Variants in PTPRG observed in about 807,000 individuals in gnomAD.
The protein encoded by PTPRG is protein tyrosine phosphatase receptor type G.
PTPRG carries 102 observed loss-of-function variants against 165.3 expected under a neutral mutation model. That is an observed-to-expected ratio of 0.62 (90% confidence interval 0.53 to 0.73). PTPRG has a LOEUF of 0.73. PTPRG is among the 30% of genes least tolerant of loss of function. PTPRG has a pLI of 0.00. For synonymous variants in PTPRG, 675 were observed against 669.5 expected (o/e 1.01, Z -0.13); for missense variants, 1,866 against 1,861.4 (o/e 1.00, Z -0.05).
chr3:61,885,336 A>T (rs879940392), intron 2 of PTPRG, among the ~76,000 whole-genome samples: 1 of 152,094 alleles, frequency 6.6e-6, no homozygotes, highest in Non-Finnish European at 1.5e-5. Context: ...TTTGGAAAAT[A>T]TGCTGAAGAT....
At chr3:62,068,441 A>C (rs1373740155) in intron 4 of PTPRG, among the ~76,000 whole-genome samples, 17 of 152,100 alleles carry the variant, frequency 1.1e-4, no homozygotes. Flanking sequence ...AATGCAAAAC[A>C]GGGCAGTAAA....
chr3:61,716,217 A>G (rs2031801193), intron 1 of PTPRG, among the ~76,000 whole-genome samples: 2 of 151,666 alleles, frequency 1.3e-5, no homozygotes, highest in Non-Finnish European at 1.5e-5. Flanking sequence ...GTCATCTTGA[A>G]CTCTGCAGAA....
At chr3:61,860,691 G>A (rs964415458) in intron 2 of PTPRG, among the ~76,000 whole-genome samples, 1 of 151,944 alleles carries the variant, frequency 6.6e-6, no homozygotes, top group African/African-American at 2.4e-5. Flanking sequence ...TGATCCACCC[G>A]CCTCAGCCTC....
At chr3:62,164,349 C>G (rs1482449971) in intron 7 of PTPRG, among the ~76,000 whole-genome samples, 1 of 152,146 alleles carries the variant, frequency 6.6e-6, no homozygotes, top group Admixed American at 6.5e-5. Flanking sequence ...ATGTAGACTC[C>G]TCTCACCAAT....
At chr3:62,102,471 C>T (rs960653026) in intron 5 of PTPRG, among the ~76,000 whole-genome samples, 1 of 152,126 alleles carries the variant, frequency 6.6e-6, no homozygotes, top group African/African-American at 2.4e-5. Flanking sequence ...TGGGGTTTCA[C>T]CATATTGGCC....
intron 1 of PTPRG, among the ~76,000 whole-genome samples, chr3:61,699,258 A>C (rs180768057): frequency 1.3e-5 from 2 of 152,324 alleles, no homozygotes; most frequent in African/African-American, 4.8e-5. Flanking sequence ...ATTATTTTTC[A>C]AAACAAATTT....
chr3:61,831,865 T>C (rs918989727), intron 2 of PTPRG, among the ~76,000 whole-genome samples: 12 of 152,158 alleles, frequency 7.9e-5, no homozygotes, highest in African/African-American at 1.4e-4. Context: ...AGGATAGATA[T>C]TGATGGGTGG....
chr3:61,666,847 C>T (rs2365938), intron 1 of PTPRG, among the ~76,000 whole-genome samples: 28,318 of 152,072 alleles, frequency 0.19, 2,855 homozygotes, highest in African/African-American at 0.25. Flanking sequence ...CTGACAGAAG[C>T]CTACTTAAGA....
chr3:62,166,014 A>G (rs1038036869), intron 7 of PTPRG, among the ~76,000 whole-genome samples: 2 of 151,868 alleles, frequency 1.3e-5, no homozygotes, highest in East Asian at 1.9e-4. Flanking sequence ...CGAAGCCTTG[A>G]CAGTCACTCA....
At chr3:61,928,847 A>G (rs1340106959) in intron 2 of PTPRG, among the ~76,000 whole-genome samples, 1 of 152,208 alleles carries the variant, frequency 6.6e-6, no homozygotes, top group Non-Finnish European at 1.5e-5. Context: ...ATTTCACTAT[A>G]AAACAGTTGA....
At chr3:61,578,158 G>A (rs1165037366) in intron 1 of PTPRG, among the ~76,000 whole-genome samples, 1 of 152,166 alleles carries the variant, frequency 6.6e-6, no homozygotes. Flanking sequence ...CTACATCGTG[G>A]GACCTGTGTG....
chr3:62,155,831 G>T (rs1704516370), intron 6 of PTPRG, among the ~76,000 whole-genome samples: 1 of 152,134 alleles, frequency 6.6e-6, no homozygotes, highest in Non-Finnish European at 1.5e-5. Context: ...GAGGTATGAG[G>T]CTTGGGAATG....
chr3:62,045,404 G>T (rs558664172), intron 4 of PTPRG, among the ~76,000 whole-genome samples: 1 of 152,152 alleles, frequency 6.6e-6, no homozygotes, highest in African/African-American at 2.4e-5. Context: ...TAGCTGTACC[G>T]CCCTTAGCCA....
Position 61,570,609 on chromosome 3 carries a change from A to G in PTPRG, c.85+8237A>G, listed in dbSNP as rs116088050. 6.2e-3 allele frequency among the ~76,000 whole-genome samples: 943 copies of G among 152,306 alleles called. 7 individuals carry two copies. The highest frequency in any genetic ancestry group is 0.021 in the African/African-American group (893 of 41,572). ...TGAGTTTTCATAGCATTGCTGCCTC[A>G]TGAATCCTGCAGTGCACTTAAATCA... On this transcript the variant is annotated intron_variant, in intron 1 of 29. Coordinates refer to ENST00000474889, the MANE Select transcript of PTPRG (RefSeq NM_002841.4).
chr3:61,778,350 A>G (rs1200109687), intron 2 of PTPRG, among the ~76,000 whole-genome samples: 1 of 152,240 alleles, frequency 6.6e-6, no homozygotes, highest in African/African-American at 2.4e-5. Flanking sequence ...GTGGCCCACA[A>G]TCAGAGGCTG....
At chr3:61,772,106 T>C (rs1477779999) in intron 2 of PTPRG, among the ~76,000 whole-genome samples, 1 of 148,238 alleles carries the variant, frequency 6.7e-6, no homozygotes, top group Non-Finnish European at 1.5e-5. Flanking sequence ...ATTGTGATGA[T>C]CTCTGAATCA....
chr3:62,228,917 G>A lies in PTPRG; in HGVS notation c.2289-2308G>A, dbSNP rs996425434. Among the ~76,000 whole-genome samples the A allele has an allele frequency of 6.6e-6, 1 of 152,126 alleles. No individual in the cohort carries two copies. Among genetic ancestry groups the A allele is most frequent in the Non-Finnish European group, 1.5e-5 (1 of 68,018 alleles). On this transcript the variant is annotated intron_variant, in intron 13 of 29. Coordinates refer to ENST00000474889, the MANE Select transcript of PTPRG (RefSeq NM_002841.4). The surrounding 1 kb of genome is among the most constrained non-coding windows in gnomAD (Gnocchi z 4.1). ...CAACAGACCATTTACTGGACCACAG[G>A]TATTCTGGCATCATTTTTTTCTTTT...
intron 2 of PTPRG, 200 bp downstream of exon 2, chr3:61,749,182 C>T: frequency 1.5e-6 from 1 of 678,308 alleles, no homozygotes; most frequent in Non-Finnish European, 2.7e-6. Context: ...CCTGTTTCCT[C>T]AACCTGTTTT....
At position 61,767,239 on chromosome 3, in the gene PTPRG, TC is replaced by T. The variant is rs1471615296; in HGVS notation, c.190+18258del. On this transcript the variant is annotated intron_variant, in intron 2 of 29. Coordinates refer to ENST00000474889, the MANE Select transcript of PTPRG (RefSeq NM_002841.4). ...AGCCTTGTGACAGCAAGATTCCATC[TC>T]AAAAAAAAAAAAAAAAAGAAAGTAG... 2.1e-4 allele frequency among the ~76,000 whole-genome samples: 15 copies of T among 73,098 alleles called. 1 individual carries two copies. The highest frequency in any genetic ancestry group is 3.9e-4 in the Non-Finnish European group (15 of 38,204). The allele number at this position is 73,098 out of a possible 152,430, so 48.0% of individuals were successfully genotyped here.
Sources: gnomAD v4.1 joint callset for allele counts (sites outside exome capture counted in the v4.1 genomes callset) on GRCh38, gnomAD v4.1.1 for gene constraint, Gnocchi (gnomAD v3.1) non-coding constraint, MANE v1.5 for transcripts, NCBI Gene and HGNC (gene_info 2026-07-23, HGNC 2026-07-21) for gene names.